The following PDZRN4 variants were observed in gnomAD, a reference collection of about 807,000 sequenced individuals.
The protein encoded by PDZRN4 is PDZ domain containing ring finger 4.
In PDZRN4, 70 loss-of-function variants were observed where a neutral mutation model predicts 99.0. That is an observed-to-expected ratio of 0.71 (90% CI 0.58 to 0.86). The LOEUF is 0.86. Among genes scored for constraint, PDZRN4 ranks in the 40% least tolerant of loss-of-function variants. PDZRN4 has a pLI of 0.00. For missense variants in PDZRN4, 1,474 were observed against 1,331.2 expected, an observed-to-expected ratio of 1.11 and a Z score of -1.67; for synonymous variants, 551 against 501.6, an observed-to-expected ratio of 1.10 and a Z score of -1.32.
chr12:41,506,252 G>C (rs561650044), intron 3 of PDZRN4, among the ~76,000 whole-genome samples: 18 of 152,250 alleles, frequency 1.2e-4, no homozygotes, highest in African/African-American at 4.3e-4. Flanking sequence ...ACTTTATAAA[G>C]ATACAGAAGT....
intron 3 of PDZRN4, among the ~76,000 whole-genome samples, chr12:41,201,978 C>T (rs115565472): frequency 4.1e-4 from 62 of 152,276 alleles, no homozygotes; most frequent in African/African-American, 1.5e-3. Flanking sequence ...TGAACTTGAA[C>T]AACCCTGGTA....
At chr12:41,382,468 G>A (rs1190923838) in intron 3 of PDZRN4, among the ~76,000 whole-genome samples, 2 of 152,108 alleles carry the variant, frequency 1.3e-5, no homozygotes, top group Non-Finnish European at 2.9e-5. Context: ...CCCCTCATTG[G>A]TTGATTTATC....
In PDZRN4 at chr12:41,334,278, T is replaced by G. The variant is rs371733026; in HGVS notation, c.843+140090T>G. ...CATTATTCTCAGATCTTTTTGGTGT[T>G]TTTGTTTAGTTTGGTTTTGTTTGCT... On this transcript the variant is annotated intron_variant, in intron 3 of 9. Transcript: ENST00000402685. Among the ~76,000 whole-genome samples, 15 of 152,022 alleles carry G rather than the reference T, an allele frequency of 9.9e-5. No individual in the cohort carries two copies. In the East Asian group the frequency reaches 2.1e-3, roughly 22 times the overall value.
chr12:41,448,403 T>TA (rs1952747427), intron 3 of PDZRN4, among the ~76,000 whole-genome samples: 1 of 152,138 alleles, frequency 6.6e-6, no homozygotes, highest in South Asian at 2.1e-4. Context: ...GTTTGCCACT[T>TA]ACGGAGTTTT....
At chr12:41,522,763 C>T (rs529701506) in intron 5 of PDZRN4, among the ~76,000 whole-genome samples, 4 of 152,144 alleles carry the variant, frequency 2.6e-5, no homozygotes, top group Middle Eastern at 3.4e-3. Flanking sequence ...AAAGTATAGA[C>T]GTTCATAATA....
At chr12:41,201,821 A>T (rs1342893670) in intron 3 of PDZRN4, among the ~76,000 whole-genome samples, 1 of 152,174 alleles carries the variant, frequency 6.6e-6, no homozygotes, top group Non-Finnish European at 1.5e-5. Flanking sequence ...AAGCAATTGT[A>T]TCTTTCTAGA....
chr12:41,518,777 C>T (rs371742423), intron 5 of PDZRN4, among the ~76,000 whole-genome samples: 6 of 151,786 alleles, frequency 4.0e-5, no homozygotes, highest in Non-Finnish European at 5.9e-5. Flanking sequence ...TGTAGTGAGA[C>T]CCCGTATCTA....
intron 3 of PDZRN4, among the ~76,000 whole-genome samples, chr12:41,199,893 G>C (rs1311609584): frequency 1.3e-5 from 2 of 152,044 alleles, no homozygotes; most frequent in Non-Finnish European, 2.9e-5. Flanking sequence ...ATTGAGGGCT[G>C]ATAATTACTT....
intron 3 of PDZRN4, among the ~76,000 whole-genome samples, chr12:41,277,555 C>T (rs969778485): frequency 6.6e-6 from 1 of 152,212 alleles, no homozygotes; most frequent in Non-Finnish European, 1.5e-5. Context: ...TCTCACCTTA[C>T]GCTCACTGTG....
chr12:41,507,602 C>T (rs941384296), intron 4 of PDZRN4, among the ~76,000 whole-genome samples: 3 of 152,104 alleles, frequency 2.0e-5, no homozygotes, highest in Admixed American at 6.6e-5. Context: ...CACCTGGGAA[C>T]TTTCAGAAGC....
chr12:41,536,182 C>G (rs981291403), intron 5 of PDZRN4, among the ~76,000 whole-genome samples: 5 of 152,094 alleles, frequency 3.3e-5, no homozygotes, highest in African/African-American at 9.7e-5. Flanking sequence ...GGAAAGCAAC[C>G]AAGATGTCTT....
chr12:41,414,596 G>A lies in PDZRN4; in HGVS notation c.844-91860G>A, dbSNP rs141024521. On this transcript the variant is annotated intron_variant, in intron 3 of 9. Transcript: ENST00000402685. ...GAAAAGAAAGAAGGAAAACAAAGAC[G>A]GATGTCTTCCAATAAATAATGTACA... Among the ~76,000 whole-genome samples the A allele has an allele frequency of 1.9e-3, 288 of 151,708 alleles. 3 individuals are homozygous for A. Among genetic ancestry groups the A allele is most frequent in the East Asian group, 6.0e-3 (31 of 5,172 alleles).
chr12:41,506,660 C>T lies in PDZRN4; in HGVS notation c.1048C>T (p.Arg350Cys), dbSNP rs1379664518. 1 of 1,613,686 alleles carries T rather than the reference C, an allele frequency of 6.2e-7. No homozygotes were observed. Among genetic ancestry groups the T allele is most frequent in the Non-Finnish European group, 8.5e-7 (1 of 1,179,808 alleles). Residue 350 changes from arginine to cysteine, a missense_variant, in exon 4 of 10, where the codon CGT (arginine) becomes TGT (cysteine). Transcript: ENST00000402685. ...ACACATCATGGCTCTGGCCAAGCTTCGTCCACCTACCCCTCCAGTGCCAGA... is the reference window on the plus strand; with the variant it reads ...ACACATCATGGCTCTGGCCAAGCTTTGTCCACCTACCCCTCCAGTGCCAGA... ...FEHIMALAKLRPPTPPVPDIC... is the reference protein window; with the variant it reads ...FEHIMALAKLCPPTPPVPDIC...
chr12:41,496,929 C>G (rs1488782348), intron 3 of PDZRN4, among the ~76,000 whole-genome samples: 5 of 152,126 alleles, frequency 3.3e-5, no homozygotes, highest in African/African-American at 4.8e-5. Context: ...TTATGTTGCT[C>G]TCATAGATAG....
chr12:41,189,086 G>T lies in PDZRN4; in HGVS notation c.631G>T (p.Gly211Cys), dbSNP rs758037133. ...AHVRNFVGDL[G>C]GGHRRDGEHK... ...CGTCCGCAACTTCGTCGGCGACCTCGGTGGCGGCCACCGCAGGGTAAGCAA... is the reference window on the plus strand; with the variant it reads ...CGTCCGCAACTTCGTCGGCGACCTCTGTGGCGGCCACCGCAGGGTAAGCAA... Residue 211 changes from glycine (G) to cysteine (C), a missense_variant, in exon 1 of 10, where the codon GGT (glycine) becomes TGT (cysteine). By Grantham distance (159) the Gly-to-Cys change is radical. Coordinates refer to ENST00000402685, the MANE Select transcript of PDZRN4 (RefSeq NM_001164595.2). 2 of 1,582,044 alleles carry T rather than the reference G, an allele frequency of 1.3e-6. No homozygotes were observed. The highest frequency in any genetic ancestry group is 4.5e-5 in the East Asian group (2 of 44,070).
intron 3 of PDZRN4, among the ~76,000 whole-genome samples, chr12:41,436,851 C>T (rs1304403676): frequency 6.6e-6 from 1 of 152,132 alleles, no homozygotes; most frequent in Non-Finnish European, 1.5e-5. Flanking sequence ...TAAATGGAGT[C>T]ATTGTGCATT....
chr12:41,351,020 G>A (rs1297151761), intron 3 of PDZRN4, among the ~76,000 whole-genome samples: 4 of 152,116 alleles, frequency 2.6e-5, no homozygotes, highest in African/African-American at 9.7e-5. Context: ...TAATTAAAAG[G>A]AAGTGGAATA....
rs192235727 is a variant in PDZRN4, at chr12:41,308,264, T to G, written c.843+114076T>G. On this transcript the variant is annotated intron_variant, in intron 3 of 9. Coordinates refer to ENST00000402685, the MANE Select transcript of PDZRN4 (RefSeq NM_001164595.2). ...AATGGAAAAGGTAAAAGCATTAGTA[T>G]TTATTGTCTGTCACTAGGTACAAGA... 4.0e-3 allele frequency among the ~76,000 whole-genome samples: 611 copies of G among 152,278 alleles called. 8 individuals are homozygous for G. Among genetic ancestry groups the G allele is most frequent in the African/African-American group, 0.014 (581 of 41,574 alleles).
intron 3 of PDZRN4, among the ~76,000 whole-genome samples, chr12:41,237,152 T>C (rs1951073215): frequency 6.6e-6 from 1 of 152,146 alleles, no homozygotes; most frequent in South Asian, 2.1e-4. Flanking sequence ...TTATACCTTC[T>C]TGATACTGGT....
Sources: gnomAD v4.1 joint callset for allele counts (sites outside exome capture counted in the v4.1 genomes callset) on GRCh38, gnomAD v4.1.1 for gene constraint, MANE v1.5 for transcripts, NCBI Gene and HGNC (gene_info 2026-07-23, HGNC 2026-07-21) for gene names.